ALDH3B1: variants seen among roughly 807,000 people sequenced by gnomAD.
ALDH3B1 encodes aldehyde dehydrogenase 3 family member B1, also known as aldehyde dehydrogenase family 3 member B1.
Under a neutral mutation model 46.2 loss-of-function variants are expected in ALDH3B1, and 37 were observed. That is an observed-to-expected ratio of 0.80 (90% CI 0.62 to 1.05). The LOEUF is 1.05. Among genes scored for constraint, ALDH3B1 ranks in the 50% least tolerant of loss-of-function variants. The pLI is 0.00. For synonymous variants in ALDH3B1, 283 were observed against 281.0 expected (o/e 1.01, Z -0.07); for missense variants, 603 against 665.5 (o/e 0.91, Z 1.03).
upstream of ALDH3B1, among the ~76,000 whole-genome samples, chr11:68,009,174 C>T (rs565006594): frequency 1.1e-4 from 17 of 152,248 alleles, no homozygotes; most frequent in African/African-American, 3.4e-4. Context: ...ATCCCACCCC[C>T]TCTCTGCCCC....
chr11:68,020,528 C>T (rs1236516480), intron 6 of ALDH3B1, among the ~76,000 whole-genome samples: 1 of 152,232 alleles, frequency 6.6e-6, no homozygotes, highest in Non-Finnish European at 1.5e-5. Context: ...AGCCACCACA[C>T]CCGGCTTCGA....
chr11:68,009,279 G>A (rs1857185276), upstream of ALDH3B1, among the ~76,000 whole-genome samples: 1 of 152,250 alleles, frequency 6.6e-6, no homozygotes, highest in Admixed American at 6.5e-5. Context: ...GGAAGCACAG[G>A]GCGCTGGGAG....
At chr11:68,022,926 C>G (rs1453201876) in intron 8 of ALDH3B1, among the ~76,000 whole-genome samples, 165 bp downstream of exon 8, 1 of 152,158 alleles carries the variant, frequency 6.6e-6, no homozygotes, top group African/African-American at 2.4e-5. Flanking sequence ...CCTCACCCAC[C>G]CCAACCCTGT....
At chr11:68,012,672 T>C (rs970121315) in intron 1 of ALDH3B1, among the ~76,000 whole-genome samples, 2 of 152,138 alleles carry the variant, frequency 1.3e-5, no homozygotes, top group African/African-American at 4.8e-5. Context: ...AGACCTCCCC[T>C]CACCGGTCAC....
chr11:68,021,550 G>C lies in ALDH3B1; in HGVS notation c.628G>C (p.Glu210Gln), dbSNP rs1243719345. The change falls in exon 7 of 10, where the codon GAG (glutamate) becomes CAG (glutamine). Residue 210 changes from glutamate (E) to glutamine (Q), a missense_variant. By Grantham distance (29) the Glu-to-Gln change is conservative (BLOSUM62 2). Coordinates refer to ENST00000342456, the MANE Select transcript of ALDH3B1 (RefSeq NM_000694.4). ...CAAGCACCTGACACCTGTCACCCTG[G>C]AGCTGGGGGGCAAGAACCCTTGCTA... is the stretch of plus-strand genomic sequence containing the variant. ...AAKHLTPVTL[E>Q]LGGKNPCYVD... is the part of the protein sequence containing the mutation. The C allele has an allele frequency of 1.2e-6, 2 of 1,613,972 alleles. No homozygotes were observed. Among genetic ancestry groups the C allele is most frequent in the Non-Finnish European group, 1.7e-6 (2 of 1,180,006 alleles).
At chr11:68,023,511 G>A (rs1857553671) in intron 8 of ALDH3B1, among the ~76,000 whole-genome samples, 2 of 151,714 alleles carry the variant, frequency 1.3e-5, no homozygotes, top group Admixed American at 1.3e-4. Context: ...TGCCACATTG[G>A]TCAGGCTAGT....
intron 2 of ALDH3B1, chr11:68,018,230 C>T (rs1290698429): frequency 2.3e-6 from 1 of 439,634 alleles, no homozygotes. Flanking sequence ...GCAGTCTCCA[C>T]CCCCACCCTG....
chr11:68,024,299 G>A (rs912621278), intron 8 of ALDH3B1: 6 of 152,232 alleles, frequency 3.9e-5, no homozygotes, highest in Non-Finnish European at 8.8e-5. Context: ...CTTCACTACC[G>A]GGTCAGGACG....
intron 8 of ALDH3B1, chr11:68,024,810 T>G (rs186944800): frequency 6.6e-6 from 1 of 152,336 alleles, no homozygotes; most frequent in East Asian, 1.9e-4. Context: ...AATTGTTTAT[T>G]TAGGTCACTA....
intron 2 of ALDH3B1, 174 bp downstream of exon 2, chr11:68,015,633 C>A (rs765568981): frequency 7.7e-5 from 65 of 846,576 alleles, no homozygotes; most frequent in South Asian, 3.7e-4. Context: ...TTTCTGTATT[C>A]ATGCAGCAAC....
At chr11:68,024,990 G>C (rs1857589016) in intron 8 of ALDH3B1, 1 of 152,074 alleles carries the variant, frequency 6.6e-6, no homozygotes, top group African/African-American at 2.4e-5. Flanking sequence ...TATCTCCCCT[G>C]CTCCAACTCC....
intron 6 of ALDH3B1, 97 bp downstream of exon 6, chr11:68,019,893 TTCTCCTCTC>T: frequency 1.5e-6 from 2 of 1,295,658 alleles, no homozygotes; most frequent in Non-Finnish European, 2.2e-6. Context: ...GGAGACTGAA[TTCTCCTCTC>T]TCTCTCTCTC....
chr11:68,021,577 G>T lies in ALDH3B1; in HGVS notation c.655G>T (p.Val219Leu), dbSNP rs774560004. 2 of 1,614,104 alleles carry T rather than the reference G, an allele frequency of 1.2e-6. No individual in the cohort carries two copies. Among genetic ancestry groups the T allele is most frequent in the South Asian group, 2.2e-5 (2 of 91,084 alleles). ...LELGGKNPCY[V>L]DDNCDPQTVA... The stretch of plus-strand genomic sequence containing the variant: ...GCTGGGGGGCAAGAACCCTTGCTAC[G>T]TGGACGACAACTGCGACCCCCAGAC... The change falls in exon 7 of 10, where the codon GTG becomes TTG. Residue 219 changes from valine (V) to leucine (L), a missense_variant. Coordinates refer to ENST00000342456, the MANE Select transcript of ALDH3B1 (RefSeq NM_000694.4).
Position 68,025,997 on chromosome 11 carries a change from G to C in ALDH3B1, c.1117-12G>C, listed in dbSNP as rs762186681. The C allele has an allele frequency of 1.1e-5, 17 of 1,579,730 alleles. No homozygotes were observed. Among genetic ancestry groups the C allele is most frequent in the Non-Finnish European group, 2.6e-6 (3 of 1,162,676 alleles). On this transcript the variant is annotated splice_polypyrimidine_tract_variant and intron_variant, in intron 8 of 9. Coordinates refer to ENST00000342456, the MANE Select transcript of ALDH3B1 (RefSeq NM_000694.4). Reference sequence around the variant, plus strand: ...CTCAAGGCAGCCTCACGCACATCCTGTTCTCTCCCAGGTGGTCAAGCGGGT... The same window carrying C: ...CTCAAGGCAGCCTCACGCACATCCTCTTCTCTCCCAGGTGGTCAAGCGGGT...
At position 68,022,647 on chromosome 11, in the gene ALDH3B1, G is replaced by A. The variant is rs766534648; in HGVS notation, c.1002G>A (p.Glu334=). The part of the protein sequence containing the change: ...VQEMEPVMQE[E]IFGPILPIVN... ...AGATGGAGCCTGTGATGCAGGAGGA[G>A]ATCTTCGGGCCCATCCTGCCCATCG... Residue 334 remains glutamate (E), a synonymous_variant, in exon 8 of 10, where the codon GAG becomes GAA. Transcript: ENST00000342456. The A allele has an allele frequency of 8.1e-6, 13 of 1,614,114 alleles. No homozygotes were observed. Among genetic ancestry groups the A allele is most frequent in the Non-Finnish European group, 1.1e-5 (13 of 1,180,006 alleles).
intron 8 of ALDH3B1, among the ~76,000 whole-genome samples, chr11:68,023,160 C>T (rs886189232): frequency 6.6e-6 from 1 of 152,206 alleles, no homozygotes; most frequent in Non-Finnish European, 1.5e-5. Context: ...TGATCCCCTA[C>T]CCCTGCTTAA....
intron 2 of ALDH3B1, chr11:68,015,886 C>A: frequency 3.0e-6 from 1 of 328,188 alleles, no homozygotes; most frequent in Non-Finnish European, 6.0e-6. Context: ...GCCAACATGG[C>A]GAAACCCCGT....
chr11:68,027,117 G>A (rs1169511075), intron 9 of ALDH3B1, among the ~76,000 whole-genome samples: 1 of 151,932 alleles, frequency 6.6e-6, no homozygotes, highest in African/African-American at 2.4e-5. Context: ...CCTGAGCTCT[G>A]CCCAGGTCCC....
chr11:68,023,179 G>A (rs539111285), intron 8 of ALDH3B1, among the ~76,000 whole-genome samples: 3 of 152,200 alleles, frequency 2.0e-5, no homozygotes, highest in Non-Finnish European at 4.4e-5. Context: ...AAGCTGCAGA[G>A]GCAGCCTGGG....
Sources: gnomAD v4.1 joint callset for allele counts (sites outside exome capture counted in the v4.1 genomes callset) on GRCh38, gnomAD v4.1.1 for gene constraint, MANE v1.5 for transcripts, NCBI Gene and HGNC (gene_info 2026-07-23, HGNC 2026-07-21) for gene names.